The following C2orf76 variants were observed in gnomAD, a reference collection of about 807,000 sequenced individuals.
C2orf76 encodes the protein UPF0538 protein C2orf76.
In C2orf76, 23 loss-of-function variants were observed where a neutral mutation model predicts 16.9. The observed-to-expected ratio is 1.36, with a 90% confidence interval of 0.98 to 1.93. The LOEUF (loss-of-function observed/expected upper bound fraction) is 1.93. Among genes scored for constraint, C2orf76 ranks in the 30% most tolerant of loss-of-function variants. The probability of loss-of-function intolerance (pLI) is 0.00; values close to 1 mark genes in which losing one functional copy is unlikely to be tolerated. For missense variants in C2orf76, 152 were observed against 152.6 expected, an observed-to-expected ratio of 1.00 and a Z score of 0.02; for synonymous variants, 48 against 52.3, an observed-to-expected ratio of 0.92 and a Z score of 0.35.
intron 2 of C2orf76, among the ~76,000 whole-genome samples, chr2:119,335,528 T>C (rs1382865129): frequency 1.3e-5 from 2 of 152,132 alleles, no homozygotes; most frequent in African/African-American, 4.8e-5. Context: ...CCTAGCAAAA[T>C]CTGAGCAACA....
the C2orf76 span, among the ~76,000 whole-genome samples, chr2:119,284,456 C>G: frequency 6.6e-6 from 1 of 152,170 alleles, no homozygotes; most frequent in East Asian, 1.9e-4. Context: ...GAGCCCCTCC[C>G]TGCACTCCTG....
At chr2:119,325,069 C>T (rs1679464027) in intron 2 of C2orf76, among the ~76,000 whole-genome samples, 1 of 151,856 alleles carries the variant, frequency 6.6e-6, no homozygotes, top group Non-Finnish European at 1.5e-5. Flanking sequence ...AGTGCAGGGG[C>T]TCACACCTGG....
intron 3 of C2orf76, among the ~76,000 whole-genome samples, chr2:119,319,882 C>G (rs1007393474): frequency 3.3e-5 from 5 of 152,192 alleles, no homozygotes; most frequent in African/African-American, 4.8e-5. Context: ...GTGAAAATAA[C>G]ACTGCAGCCT....
chr2:119,327,139 GA>G (rs1679532632), intron 2 of C2orf76, among the ~76,000 whole-genome samples: 1 of 152,038 alleles, frequency 6.6e-6, no homozygotes, highest in African/African-American at 2.4e-5. Flanking sequence ...CTTATTTTAG[GA>G]GGAAAGCACT....
intron 1 of C2orf76, among the ~76,000 whole-genome samples, chr2:119,365,826 TC>T (rs1186428180): frequency 3.9e-5 from 6 of 152,124 alleles, no homozygotes; most frequent in Non-Finnish European, 8.8e-5. Context: ...GCAAAGACGT[TC>T]CCCTCCGTCT....
chr2:119,308,951 C>T (rs1573621295), intron 5 of C2orf76, among the ~76,000 whole-genome samples: 1 of 131,022 alleles, frequency 7.6e-6, no homozygotes, highest in East Asian at 1.9e-4. Context: ...CTCCCTTGGA[C>T]AATGCCACTT....
chr2:119,287,923 T>G, the C2orf76 span, among the ~76,000 whole-genome samples: 1 of 152,124 alleles, frequency 6.6e-6, no homozygotes, highest in African/African-American at 2.4e-5. Context: ...TATTCAAAAA[T>G]GAAGGCCCAA....
chr2:119,311,259 T>G, intron 5 of C2orf76: 1 of 985,444 alleles, frequency 1.0e-6, no homozygotes, highest in Non-Finnish European at 1.2e-6. Context: ...GTTTCATTAT[T>G]CCTCATTAGT....
chr2:119,295,049 G>A, the C2orf76 span, among the ~76,000 whole-genome samples: 2 of 152,146 alleles, frequency 1.3e-5, no homozygotes, highest in African/African-American at 2.4e-5. Flanking sequence ...AGAACGGGAG[G>A]TGGATATTGA....
chr2:119,309,279 G>A (rs1436228610), intron 5 of C2orf76, among the ~76,000 whole-genome samples: 7 of 151,768 alleles, frequency 4.6e-5, no homozygotes. Flanking sequence ...CTCCTAATAA[G>A]GTGGAGCTAT....
chr2:119,365,107 A>G (rs1052130816), intron 1 of C2orf76, among the ~76,000 whole-genome samples: 1 of 152,146 alleles, frequency 6.6e-6, no homozygotes, highest in African/African-American at 2.4e-5. Flanking sequence ...TAAAAAACAA[A>G]AACTAAAAAA....
chr2:119,366,842 C>A (rs1194828152), upstream of C2orf76: 10 of 640,128 alleles, frequency 1.6e-5, no homozygotes, highest in South Asian at 2.0e-4. Context: ...AGCGGTCCCA[C>A]GTGGGCTCGG....
chr2:119,301,873 G>GAA (rs538645918), downstream of C2orf76, among the ~76,000 whole-genome samples: 9 of 74,832 alleles, frequency 1.2e-4, no homozygotes, highest in South Asian at 3.4e-4. Flanking sequence ...AGAAAGAAAA[G>GAA]AAAAAAAAAA....
chr2:119,345,586 G>A (rs1573671027), intron 1 of C2orf76, among the ~76,000 whole-genome samples: 1 of 152,092 alleles, frequency 6.6e-6, no homozygotes, highest in Non-Finnish European at 1.5e-5. Flanking sequence ...GGTCATTCTG[G>A]AGGCTAACAA....
In C2orf76 at chr2:119,364,614, T is replaced by A. The variant is rs373863750; in HGVS notation, c.-13+2176A>T. 9.2e-5 allele frequency among the ~76,000 whole-genome samples: 14 copies of A among 152,098 alleles called. No individual in the cohort carries two copies. The East Asian group carries it at 2.3e-3, about 25-fold the overall frequency. On this transcript the variant is annotated intron_variant, in intron 1 of 5. Coordinates refer to ENST00000334816, the MANE Select transcript of C2orf76 (RefSeq NM_001322331.2). ...CAGTGACTGATACACAATGACCCCA[T>A]CTCCTCCTGGCTTATGTGTGTTTGG...
chr2:119,285,081 A>T, the C2orf76 span, among the ~76,000 whole-genome samples: 2 of 152,332 alleles, frequency 1.3e-5, no homozygotes, highest in Admixed American at 6.5e-5. Context: ...TCATCATTTC[A>T]TTCTTAGGTT....
At chr2:119,311,519 G>T in intron 5 of C2orf76, 103 bp downstream of exon 5, 5 of 1,486,972 alleles carry the variant, frequency 3.4e-6, no homozygotes, top group Middle Eastern at 2.3e-4. Context: ...GGGGGACCAA[G>T]GACAGCATTT....
intron 5 of C2orf76, among the ~76,000 whole-genome samples, chr2:119,309,403 T>C (rs1478591551): frequency 8.0e-6 from 1 of 125,622 alleles, no homozygotes; most frequent in Admixed American, 7.6e-5. Flanking sequence ...TTTTTCTTTT[T>C]TTTTTTTTTT....
chr2:119,285,052 T>C, the C2orf76 span, among the ~76,000 whole-genome samples: 1 of 152,164 alleles, frequency 6.6e-6, no homozygotes, highest in Non-Finnish European at 1.5e-5. Flanking sequence ...CCCACCATCC[T>C]CACAAAATAC....
Sources: allele counts gnomAD v4.1 joint callset (sites outside exome capture counted in the v4.1 genomes callset), GRCh38; gene constraint gnomAD v4.1.1; transcripts MANE v1.5; gene names NCBI Gene and HGNC (gene_info 2026-07-23, HGNC 2026-07-21).